The following STK3 variants were observed in gnomAD, a reference collection of about 807,000 sequenced individuals.
STK3 encodes the protein serine/threonine kinase 3.
STK3 carries 41 observed loss-of-function variants against 58.0 expected under a neutral mutation model. The observed-to-expected ratio is 0.71, with a 90% confidence interval of 0.55 to 0.92. The LOEUF (loss-of-function observed/expected upper bound fraction) is 0.92, where lower values mean the gene tolerates loss of function less well. Among genes scored for constraint, STK3 ranks in the 40% least tolerant of loss-of-function variants. The pLI is 0.00. For synonymous variants in STK3, 170 were observed against 191.0 expected (o/e 0.89, Z 0.91); for missense variants, 479 against 602.7 (o/e 0.79, Z 2.15).
intron 6 of STK3, among the ~76,000 whole-genome samples, chr8:98,680,104 T>C (rs1323043089): frequency 6.6e-6 from 1 of 152,188 alleles, no homozygotes; most frequent in African/African-American, 2.4e-5. Context: ...ACTTTCCTTA[T>C]GCAAACAAAA....
chr8:98,586,311 G>T (rs897796338), intron 7 of STK3, among the ~76,000 whole-genome samples: 3 of 152,174 alleles, frequency 2.0e-5, no homozygotes, highest in African/African-American at 7.2e-5. Context: ...CATGAAGGGT[G>T]GTTGAATTTT....
chr8:98,382,470 G>C (rs1315997607), intron 1 of STK3, among the ~76,000 whole-genome samples: 3 of 152,124 alleles, frequency 2.0e-5, no homozygotes, highest in Non-Finnish European at 4.4e-5. Flanking sequence ...CCAGCCCCAG[G>C]GTGGTGAGAG....
chr8:98,700,152 C>A (rs555577016), intron 6 of STK3, among the ~76,000 whole-genome samples: 2 of 152,172 alleles, frequency 1.3e-5, no homozygotes, highest in Middle Eastern at 6.3e-3. Context: ...ACTCCGTGGG[C>A]GTAGGACCCT....
chr8:98,701,621 CA>C (rs919525897), intron 6 of STK3, among the ~76,000 whole-genome samples: 209 of 131,766 alleles, frequency 1.6e-3, no homozygotes, highest in African/African-American at 6.4e-3. Flanking sequence ...GACTTTGTCT[CA>C]AAAAAAAATA....
chr8:98,785,722 C>T (rs1207283707), intron 1 of STK3, among the ~76,000 whole-genome samples: 1 of 152,064 alleles, frequency 6.6e-6, no homozygotes, highest in African/African-American at 2.4e-5. Flanking sequence ...AACTACACAG[C>T]CCAATATAAA....
chr8:98,775,591 G>A (rs1287719411), intron 1 of STK3, among the ~76,000 whole-genome samples: 1 of 152,164 alleles, frequency 6.6e-6, no homozygotes, highest in Non-Finnish European at 1.5e-5. Flanking sequence ...AGAAAAAGAG[G>A]AAGCATTTAT....
At chr8:98,582,792 A>G (rs927397397) in intron 7 of STK3, among the ~76,000 whole-genome samples, 1 of 152,164 alleles carries the variant, frequency 6.6e-6, no homozygotes, top group African/African-American at 2.4e-5. Flanking sequence ...TAAACATAAA[A>G]TTTGATTTTT....
intron 6 of STK3, among the ~76,000 whole-genome samples, chr8:98,641,483 T>C (rs192228394): frequency 6.6e-6 from 1 of 152,270 alleles, no homozygotes; most frequent in East Asian, 1.9e-4. Flanking sequence ...ATCCAACAAA[T>C]ACATACTGAG....
At position 98,605,986 on chromosome 8, in the gene STK3, G is replaced by C. The variant is rs568065491; in HGVS notation, c.685-9817C>G. Among the ~76,000 whole-genome samples the C allele has an allele frequency of 7.2e-4, 109 of 152,310 alleles. 1 individual carries two copies. Among genetic ancestry groups the C allele is most frequent in the African/African-American group, 2.6e-3 (108 of 41,574 alleles). On this transcript the variant is annotated intron_variant, in intron 6 of 10. Coordinates refer to ENST00000419617, the MANE Select transcript of STK3 (RefSeq NM_006281.4). The stretch of plus-strand genomic sequence containing the variant: ...CTCATGCCTGTAATCCCAGCGCTTT[G>C]AGAGGCTGAGGCAGTCGGATCACCT...
chr8:98,369,629 GGGA>G (rs1817592707), downstream of STK3, among the ~76,000 whole-genome samples: 4 of 152,330 alleles, frequency 2.6e-5, no homozygotes, highest in South Asian at 8.3e-4. Flanking sequence ...CTCCCTTGCA[GGGA>G]GGAGGAGGGG....
At chr8:98,459,705 T>G (rs1304314011) in intron 10 of STK3, among the ~76,000 whole-genome samples, 1 of 152,204 alleles carries the variant, frequency 6.6e-6, no homozygotes, top group Non-Finnish European at 1.5e-5. Context: ...TCCCAGCCAT[T>G]TCAGTTCCAG....
At chr8:98,803,053 G>A (rs538381748) in intron 1 of STK3, among the ~76,000 whole-genome samples, 2 of 152,306 alleles carry the variant, frequency 1.3e-5, no homozygotes, top group Admixed American at 1.3e-4. Context: ...CCAGACAACA[G>A]GGTTTCCCTT....
intron 1 of STK3, among the ~76,000 whole-genome samples, chr8:98,811,063 C>T (rs1357293959): frequency 1.3e-5 from 2 of 152,198 alleles, no homozygotes; most frequent in Non-Finnish European, 2.9e-5. Flanking sequence ...AATCTTTCTT[C>T]ATTAATTACC....
In STK3 at chr8:98,428,300, C is replaced by T; in HGVS notation, n.483+5827G>A. 1 of 1,614,146 alleles carries T rather than the reference C, an allele frequency of 6.2e-7. No individual in the cohort carries two copies. The highest frequency in any genetic ancestry group is 2.2e-5 in the East Asian group (1 of 44,886). On this transcript the variant is annotated intron_variant and non_coding_transcript_variant, in intron 3 of 3. Coordinates refer to the STK3 transcript ENST00000517832. The surrounding 1 kb of genome is among the most constrained non-coding windows in gnomAD (Gnocchi z 6.7). ...TCTCCTTCAGCCAGGAGATCGAGTACTGGGGCATCAACGAGTTCTTCATTG... is the reference window on the plus strand; with the variant it reads ...TCTCCTTCAGCCAGGAGATCGAGTATTGGGGCATCAACGAGTTCTTCATTG...
intron 4 of STK3, among the ~76,000 whole-genome samples, chr8:98,714,848 A>G (rs1165605232): frequency 2.0e-5 from 3 of 152,218 alleles, no homozygotes; most frequent in African/African-American, 7.2e-5. Context: ...CAAAGGAACA[A>G]AGCTGGAGGC....
intron 6 of STK3, among the ~76,000 whole-genome samples, chr8:98,620,258 T>G (rs374093532): frequency 8.6e-6 from 1 of 116,752 alleles, no homozygotes; most frequent in South Asian, 3.2e-4. Flanking sequence ...TAGGTGGGAA[T>G]TGAACAATGA....
At chr8:98,711,715 A>G (rs1051598376) in intron 4 of STK3, among the ~76,000 whole-genome samples, 1 of 152,226 alleles carries the variant, frequency 6.6e-6, no homozygotes, top group Non-Finnish European at 1.5e-5. Context: ...ACTCCGCAGG[A>G]TATCATCCAG....
At chr8:98,921,945 C>T (rs968812149) in intron 1 of STK3, among the ~76,000 whole-genome samples, 3 of 152,116 alleles carry the variant, frequency 2.0e-5, no homozygotes, top group Middle Eastern at 3.2e-3. Flanking sequence ...CCACCCACCT[C>T]GGCCTTCCAA....
chr8:98,910,895 A>T (rs1052440140), intron 1 of STK3, among the ~76,000 whole-genome samples: 1 of 152,186 alleles, frequency 6.6e-6, no homozygotes, highest in Non-Finnish European at 1.5e-5. Context: ...AGCCCCAGGG[A>T]GAGCATAGGT....
Sources: allele counts gnomAD v4.1 joint callset (sites outside exome capture counted in the v4.1 genomes callset), GRCh38; gene constraint gnomAD v4.1.1; non-coding constraint Gnocchi (gnomAD v3.1); transcripts MANE v1.5; gene names NCBI Gene and HGNC (gene_info 2026-07-23, HGNC 2026-07-21).